The following PRKCA variants were observed in gnomAD, a reference collection of about 807,000 sequenced individuals.
PRKCA encodes protein kinase C alpha type.
A neutral mutation model predicts 87.0 loss-of-function variants in PRKCA; 27 were observed. The ratio of observed to expected loss-of-function variants is 0.31; its 90% CI spans 0.23 to 0.43. The LOEUF is 0.43. PRKCA is among the 20% of genes least tolerant of loss of function. The pLI, the probability that PRKCA is intolerant of heterozygous loss-of-function variation, is 1.00. For synonymous variants in PRKCA, 329 were observed against 311.1 expected (o/e 1.06, Z -0.61); for missense variants, 518 against 852.3 (o/e 0.61, Z 4.88).
intron 2 of PRKCA, among the ~76,000 whole-genome samples, chr17:66,311,067 G>A (rs762203201): frequency 6.6e-6 from 1 of 152,108 alleles, no homozygotes; most frequent in Non-Finnish European, 1.5e-5. Flanking sequence ...CCATTATTCT[G>A]TCTTCAGGAG....
chr17:66,382,925 C>T (rs1019960278), intron 2 of PRKCA, among the ~76,000 whole-genome samples: 2 of 127,314 alleles, frequency 1.6e-5, no homozygotes, highest in African/African-American at 6.3e-5. Context: ...AGAATCCACC[C>T]CTAACACATA....
At chr17:66,460,155 A>G (rs766082581) in intron 2 of PRKCA, among the ~76,000 whole-genome samples, 6 of 152,114 alleles carry the variant, frequency 3.9e-5, no homozygotes, top group Non-Finnish European at 5.9e-5. Context: ...TTGTAACTTC[A>G]ATTATTACGC....
At chr17:66,591,319 ATT>A (rs5821514) in intron 3 of PRKCA, among the ~76,000 whole-genome samples, 1 of 146,050 alleles carries the variant, frequency 6.8e-6, no homozygotes. Context: ...TGCCCAGCTA[ATT>A]TTTTTTTTTT....
intron 3 of PRKCA, among the ~76,000 whole-genome samples, chr17:66,572,857 T>G (rs1434008411): frequency 6.6e-6 from 1 of 152,164 alleles, no homozygotes; most frequent in East Asian, 1.9e-4. Context: ...TGCTATAGTA[T>G]GAGATGAATA....
intron 3 of PRKCA, among the ~76,000 whole-genome samples, chr17:66,594,176 A>G (rs537136529): frequency 2.6e-5 from 4 of 152,292 alleles, no homozygotes; most frequent in South Asian, 4.1e-4. Context: ...TTTCCCAACC[A>G]TGGCTCTTCC....
intron 5 of PRKCA, among the ~76,000 whole-genome samples, chr17:66,662,907 G>A (rs962898794): frequency 1.3e-5 from 2 of 152,148 alleles, no homozygotes; most frequent in Non-Finnish European, 2.9e-5. Context: ...AGTAGCTCCT[G>A]ATAAGTACAT....
chr17:66,407,987 G>A (rs999659987), intron 2 of PRKCA, among the ~76,000 whole-genome samples: 1 of 152,154 alleles, frequency 6.6e-6, no homozygotes, highest in Non-Finnish European at 1.5e-5. Context: ...GTTGGGTAAG[G>A]ATTTGAGCAT....
Position 66,710,665 on chromosome 17 carries a change from G to GA in PRKCA, c.918+21626dup, listed in dbSNP as rs530857341. Among the ~76,000 whole-genome samples, 30 of 151,516 alleles carry GA rather than the reference G, an allele frequency of 2.0e-4. No individual in the cohort carries two copies. The East Asian group carries it at 2.1e-3, about 11-fold the overall frequency. On this transcript the variant is annotated intron_variant, in intron 8 of 16. Coordinates refer to ENST00000413366, the MANE Select transcript of PRKCA (RefSeq NM_002737.3). ...TTCCAAGCAGCCACGGCCCTCCCAT[G>GA]AAAAAAAATGCCATGTCTTAATCAC...
At chr17:66,324,591 C>T (rs1447156562) in intron 2 of PRKCA, among the ~76,000 whole-genome samples, 2 of 151,980 alleles carry the variant, frequency 1.3e-5, no homozygotes, top group African/African-American at 4.8e-5. Flanking sequence ...CTCGCCTGGG[C>T]AACAGAGTGG....
chr17:66,577,652 G>A (rs73996406), intron 3 of PRKCA, among the ~76,000 whole-genome samples: 1,594 of 152,252 alleles, frequency 0.01, 35 homozygotes, highest in African/African-American at 0.035. Flanking sequence ...AGGGAGGTGC[G>A]TAGTTTATAT....
At chr17:66,801,070 ACACTTGCTCCAAATGCT>A (rs1429609166) in intron 16 of PRKCA, among the ~76,000 whole-genome samples, 1 of 152,188 alleles carries the variant, frequency 6.6e-6, no homozygotes, top group African/African-American at 2.4e-5. Flanking sequence ...CTGAGCTGTC[ACACTTGCTCCAAATGCT>A]TTTGCCTTGT....
chr17:66,302,995 C>A lies in PRKCA; in HGVS notation c.144C>A (p.Thr48=). ...KFIARFFKQP[T]FCSHCTDFIW... ...TCGCGCGCTTCTTCAAGCAGCCCAC[C>A]TTCTGCAGCCACTGCACCGACTTCA... Residue 48 remains threonine, a synonymous_variant, in exon 1 of 17, where the codon ACC becomes ACA. Coordinates refer to ENST00000413366, the MANE Select transcript of PRKCA (RefSeq NM_002737.3). The A allele has an allele frequency of 1.2e-6, 2 of 1,611,244 alleles. No homozygotes were observed. The highest frequency in any genetic ancestry group is 1.7e-6 in the Non-Finnish European group (2 of 1,178,694).
At chr17:66,787,057 T>C (rs1156452718) in intron 15 of PRKCA, 83 bp downstream of exon 15, 2 of 1,071,990 alleles carry the variant, frequency 1.9e-6, no homozygotes, top group South Asian at 1.2e-5. Context: ...CTAAGAGAGA[T>C]GGCAGAAACA....
At position 66,444,825 on chromosome 17, in the gene PRKCA, G is replaced by T. The variant is rs578052854; in HGVS notation, c.206-51376G>T. Among the ~76,000 whole-genome samples the T allele has an allele frequency of 3.9e-5, 6 of 152,230 alleles. No homozygotes were observed. In the South Asian group the frequency reaches 1.2e-3, roughly 32 times the overall value. ...GTTTGCACCTGGTGGAGACAATAAA[G>T]CTTCTAAGAGCAAAATATAATTTTC... On this transcript the variant is annotated intron_variant, in intron 2 of 16. Transcript: ENST00000413366.
intron 2 of PRKCA, among the ~76,000 whole-genome samples, chr17:66,486,804 A>T (rs1296481150): frequency 6.6e-6 from 1 of 152,090 alleles, no homozygotes; most frequent in Non-Finnish European, 1.5e-5. Context: ...TTATTGTTTC[A>T]TTATGTTTTA....
intron 3 of PRKCA, among the ~76,000 whole-genome samples, chr17:66,555,115 C>T (rs1398827643): frequency 1.3e-5 from 2 of 152,108 alleles, no homozygotes; most frequent in Non-Finnish European, 2.9e-5. Flanking sequence ...TGAGCTCAGG[C>T]AATCCACCTG....
intron 2 of PRKCA, among the ~76,000 whole-genome samples, chr17:66,409,803 C>A (rs1041154815): frequency 6.6e-6 from 1 of 152,230 alleles, no homozygotes; most frequent in East Asian, 1.9e-4. Context: ...TGGTGGCAGG[C>A]GCCTGTGTCC....
intron 8 of PRKCA, among the ~76,000 whole-genome samples, chr17:66,698,616 G>C (rs1343239096): frequency 6.6e-6 from 1 of 152,052 alleles, no homozygotes; most frequent in East Asian, 1.9e-4. Context: ...ACATTAAAAG[G>C]GCTAACATTT....
At chr17:66,321,603 G>C (rs1268169389) in intron 2 of PRKCA, among the ~76,000 whole-genome samples, 9 of 152,252 alleles carry the variant, frequency 5.9e-5, no homozygotes, top group African/African-American at 1.9e-4. Flanking sequence ...GAGTGCAATG[G>C]CATGATCTCT....
Sources: gnomAD v4.1 joint callset for allele counts (sites outside exome capture counted in the v4.1 genomes callset) on GRCh38, gnomAD v4.1.1 for gene constraint, MANE v1.5 for transcripts, NCBI Gene and HGNC (gene_info 2026-07-23, HGNC 2026-07-21) for gene names.